The following CHN2 variants were observed in gnomAD, a reference collection of about 807,000 sequenced individuals.
CHN2 encodes the protein chimerin 2.
Under a neutral mutation model 56.3 loss-of-function variants are expected in CHN2, and 35 were observed. That is an observed-to-expected ratio of 0.62 (90% confidence interval 0.47 to 0.82). CHN2 has a LOEUF of 0.82. Ranked by LOEUF, CHN2 falls within the 40% of genes least tolerant of loss-of-function variation. The pLI is 0.00. For synonymous variants in CHN2, 210 were observed against 212.8 expected (o/e 0.99, Z 0.12); for missense variants, 491 against 580.5 (o/e 0.85, Z 1.58).
At chr7:29,211,450 GCA>G (rs148200755) in intron 1 of CHN2, among the ~76,000 whole-genome samples, 11,330 of 138,250 alleles carry the variant, frequency 0.082, 485 homozygotes, top group African/African-American at 0.13. Flanking sequence ...CTGCATGTTG[GCA>G]CACACACACA....
intron 1 of CHN2, among the ~76,000 whole-genome samples, chr7:29,299,353 G>A (rs1793459956): frequency 6.6e-6 from 1 of 152,152 alleles, no homozygotes; most frequent in Non-Finnish European, 1.5e-5. Context: ...GTTCATCATG[G>A]GGCACCTAAA....
intron 1 of CHN2, among the ~76,000 whole-genome samples, chr7:29,305,098 C>T (rs1794036553): frequency 6.6e-6 from 1 of 152,132 alleles, no homozygotes; most frequent in Non-Finnish European, 1.5e-5. Flanking sequence ...TCCAGATTTC[C>T]AGTGGCCAAG....
intron 3 of CHN2, among the ~76,000 whole-genome samples, chr7:29,380,297 C>A (rs370365616): frequency 6.8e-6 from 1 of 146,976 alleles, no homozygotes; most frequent in Non-Finnish European, 1.5e-5. Flanking sequence ...AAAAAAAAAA[C>A]CCTTACTATT....
chr7:29,433,607 C>T (rs768240445), intron 6 of CHN2, among the ~76,000 whole-genome samples: 2 of 152,016 alleles, frequency 1.3e-5, no homozygotes, highest in Non-Finnish European at 2.9e-5. Context: ...GAGGCCAAGG[C>T]GGGTGGATCA....
intron 6 of CHN2, among the ~76,000 whole-genome samples, chr7:29,436,041 C>A (rs1783198185): frequency 6.6e-6 from 1 of 152,106 alleles, no homozygotes; most frequent in Middle Eastern, 3.2e-3. Context: ...AAAGATGCAA[C>A]ATCTGCCCTG....
At chr7:29,358,546 C>T (rs1798492919) in intron 2 of CHN2, among the ~76,000 whole-genome samples, 1 of 152,004 alleles carries the variant, frequency 6.6e-6, no homozygotes, top group African/African-American at 2.4e-5. Context: ...CACTGCAAGC[C>T]CCGCCTCCCG....
intron 6 of CHN2, 80 bp from the exon 7 acceptor site, chr7:29,480,199 T>A: frequency 6.2e-7 from 1 of 1,613,180 alleles, no homozygotes; most frequent in Middle Eastern, 1.6e-4. Flanking sequence ...CAAGAACTGC[T>A]GGCCGTAGCC....
At chr7:29,385,762 G>T (rs1239645451) in intron 3 of CHN2, among the ~76,000 whole-genome samples, 1 of 152,184 alleles carries the variant, frequency 6.6e-6, no homozygotes, top group African/African-American at 2.4e-5. Context: ...ATGTTTGTTT[G>T]CTCTAATATT....
Position 29,181,607 on chromosome 7 carries a change from T to C in CHN2, c.274+34647T>C, listed in dbSNP as rs573530737. Among the ~76,000 whole-genome samples the C allele has an allele frequency of 9.8e-5, 15 of 152,322 alleles. No individual in the cohort carries two copies. In the South Asian group the frequency reaches 1.7e-3, roughly 17 times the overall value. ...AGTCACATTAGGAATCTATAAGACA[T>C]AGGAAATAATTGTACAAGTTCATTC... On this transcript the variant is annotated intron_variant, in intron 2 of 6. Coordinates refer to the CHN2 transcript ENST00000439384.
At chr7:29,305,819 T>TCTC (rs138186453) in intron 1 of CHN2, among the ~76,000 whole-genome samples, 15 of 124,754 alleles carry the variant, frequency 1.2e-4, no homozygotes, top group African/African-American at 2.8e-4. Flanking sequence ...TCCTCGTCTT[T>TCTC]CTCCTCCTCC....
At chr7:29,391,060 C>G (rs867361381) in intron 3 of CHN2, among the ~76,000 whole-genome samples, 23 of 151,840 alleles carry the variant, frequency 1.5e-4, no homozygotes, top group African/African-American at 5.3e-4. Flanking sequence ...TTTTTTTGAT[C>G]CCAGCCTCTC....
At chr7:29,192,167 A>G (rs550576774), upstream of CHN2, 1 of 152,440 alleles carries the variant, frequency 6.6e-6, no homozygotes, top group East Asian at 1.9e-4. Flanking sequence ...TCTGTTCAGC[A>G]AGCGTGTTTG....
intron 6 of CHN2, among the ~76,000 whole-genome samples, chr7:29,441,803 G>A (rs1483477515): frequency 6.6e-6 from 1 of 152,174 alleles, no homozygotes; most frequent in Admixed American, 6.5e-5. Context: ...AGGATGTGGA[G>A]AAATCAGAAC....
intron 7 of CHN2, among the ~76,000 whole-genome samples, chr7:29,495,413 C>T (rs563558057): frequency 6.6e-6 from 1 of 152,370 alleles, no homozygotes; most frequent in South Asian, 2.1e-4. Flanking sequence ...AGCAATTCCA[C>T]AGGCCTTATT....
chr7:29,468,382 T>A (rs1015500011), intron 6 of CHN2, among the ~76,000 whole-genome samples: 9 of 152,174 alleles, frequency 5.9e-5, no homozygotes, highest in Non-Finnish European at 2.9e-5. Context: ...AGGGGTTGCA[T>A]GGTTTGAACT....
chr7:29,146,969 G>C, intron 2 of CHN2: 1 of 1,550,818 alleles, frequency 6.4e-7, no homozygotes, highest in South Asian at 1.2e-5. Flanking sequence ...CAGTAAGCTC[G>C]CACCAAGTGC....
At chr7:29,439,856 C>T (rs1376706534) in intron 6 of CHN2, among the ~76,000 whole-genome samples, 1 of 152,164 alleles carries the variant, frequency 6.6e-6, no homozygotes, top group Non-Finnish European at 1.5e-5. Flanking sequence ...TATTTCCATG[C>T]ACATTATCTC....
chr7:29,234,551 A>C (rs1466477276), intron 1 of CHN2, among the ~76,000 whole-genome samples: 1 of 152,196 alleles, frequency 6.6e-6, no homozygotes, highest in Non-Finnish European at 1.5e-5. Flanking sequence ...TGAGCATAGG[A>C]ACTTTCTGGA....
At chr7:29,259,138 G>A (rs992879123) in intron 1 of CHN2, among the ~76,000 whole-genome samples, 3 of 152,066 alleles carry the variant, frequency 2.0e-5, no homozygotes, top group African/African-American at 7.2e-5. Flanking sequence ...GACCAGCCTG[G>A]GTAACATGGT....
Sources: gnomAD v4.1 joint callset for allele counts (sites outside exome capture counted in the v4.1 genomes callset) on GRCh38, gnomAD v4.1.1 for gene constraint, MANE v1.5 for transcripts, NCBI Gene and HGNC (gene_info 2026-07-23, HGNC 2026-07-21) for gene names.